The following ADK variants were observed in gnomAD, a reference collection of about 807,000 sequenced individuals.
ADK encodes the protein N6,N6-dimethyladenosine kinase.
In ADK, 24 loss-of-function variants were observed where a neutral mutation model predicts 44.7. The observed-to-expected ratio is 0.54, with a 90% CI of 0.39 to 0.76. The LOEUF is 0.76. Ranked by LOEUF, ADK falls within the 30% of genes least tolerant of loss-of-function variation. The pLI, the probability that ADK is intolerant of heterozygous loss-of-function variation, is 0.00. For synonymous variants in ADK, 128 were observed against 142.6 expected, an observed-to-expected ratio of 0.90 and a Z score of 0.73; for missense variants, 321 against 425.1, an observed-to-expected ratio of 0.76 and a Z score of 2.15.
intron 6 of ADK, among the ~76,000 whole-genome samples, chr10:74,501,129 A>G (rs1285722159): frequency 1.3e-5 from 2 of 152,226 alleles, no homozygotes; most frequent in Non-Finnish European, 2.9e-5. Context: ...AAACAATTAC[A>G]CAGAAAAAAA....
Position 74,242,360 on chromosome 10 carries a change from A to ATTTGTT in ADK, c.194+17770_194+17771insTTGTTT, listed in dbSNP as rs572702263. The stretch of plus-strand genomic sequence containing the variant: ...GTAATTTCCATAAGGGAATGGGCTT[A>ATTTGTT]TATCTTTGTTTATTTGTGTTTGTTT... On this transcript the variant is annotated intron_variant, in intron 3 of 10. Coordinates refer to ENST00000539909, the MANE Select transcript of ADK (RefSeq NM_006721.4). 1.6e-4 allele frequency among the ~76,000 whole-genome samples: 25 copies of ATTTGTT among 152,340 alleles called. No individual in the cohort carries two copies. The East Asian group carries it at 3.9e-3, about 23-fold the overall frequency.
intron 9 of ADK, among the ~76,000 whole-genome samples, chr10:74,605,573 C>T (rs1343667391): frequency 1.3e-5 from 2 of 152,148 alleles, no homozygotes; most frequent in Non-Finnish European, 2.9e-5. Flanking sequence ...TTGAACCAGC[C>T]TTGCATCCCA....
intron 4 of ADK, among the ~76,000 whole-genome samples, chr10:74,373,745 G>A (rs1842739322): frequency 6.6e-6 from 1 of 152,104 alleles, no homozygotes; most frequent in Non-Finnish European, 1.5e-5. Context: ...AAAGAGTCTT[G>A]CAATTCCTTA....
chr10:74,214,784 G>T (rs1738288255), intron 2 of ADK, among the ~76,000 whole-genome samples: 1 of 152,196 alleles, frequency 6.6e-6, no homozygotes, highest in African/African-American at 2.4e-5. Flanking sequence ...TTTTATAGGG[G>T]TAGAAGATTC....
chr10:74,510,217 C>T (rs1848252205), intron 6 of ADK, among the ~76,000 whole-genome samples: 1 of 152,148 alleles, frequency 6.6e-6, no homozygotes, highest in South Asian at 2.1e-4. Context: ...TTTCTCCATC[C>T]TCACCAACAT....
rs141259957 is a variant in ADK at position 74,223,673 on chromosome 10, C to T, written c.141-865C>T. Among the ~76,000 whole-genome samples, 332 of 152,068 alleles carry T rather than the reference C, an allele frequency of 2.2e-3. 2 individuals carry two copies. The highest frequency in any genetic ancestry group is 7.6e-3 in the African/African-American group (314 of 41,484). On this transcript the variant is annotated intron_variant, in intron 2 of 10. Coordinates refer to ENST00000539909, the MANE Select transcript of ADK (RefSeq NM_006721.4). ...CCTTCAGCAGTACAAATATATGGTACTGTGAAAGATCCCTGATCTAGTATT... is the reference window on the plus strand; with the variant it reads ...CCTTCAGCAGTACAAATATATGGTATTGTGAAAGATCCCTGATCTAGTATT...
intron 4 of ADK, among the ~76,000 whole-genome samples, chr10:74,356,105 C>T (rs11001010): frequency 7.0e-6 from 1 of 143,134 alleles, no homozygotes; most frequent in African/African-American, 2.6e-5. Flanking sequence ...TGCAAGCTCC[C>T]CTTCCCGGGT....
intron 3 of ADK, among the ~76,000 whole-genome samples, chr10:74,312,050 C>T (rs1840450110): frequency 6.6e-6 from 1 of 152,094 alleles, no homozygotes; most frequent in African/African-American, 2.4e-5. Context: ...CCTGTAGTCC[C>T]AGCTACTTGG....
At chr10:74,199,379 C>T (rs770218736) in intron 1 of ADK, among the ~76,000 whole-genome samples, 2 of 152,140 alleles carry the variant, frequency 1.3e-5, no homozygotes, top group Non-Finnish European at 2.9e-5. Context: ...GTCTTTTGTC[C>T]CGACATCTTT....
chr10:74,252,684 G>T (rs148740260), intron 3 of ADK, among the ~76,000 whole-genome samples: 31 of 152,286 alleles, frequency 2.0e-4, no homozygotes, highest in Non-Finnish European at 3.5e-4. Flanking sequence ...TAAGTGTTCA[G>T]ATTAGGTTAG....
At chr10:74,450,559 A>G (rs1389851296) in intron 6 of ADK, among the ~76,000 whole-genome samples, 2 of 152,224 alleles carry the variant, frequency 1.3e-5, no homozygotes, top group Non-Finnish European at 2.9e-5. Context: ...CACCTCTGAG[A>G]ATAATAAGAA....
rs1040565742 is a variant in ADK, at chr10:74,613,570, G to A, written c.877+13077G>A. Among the ~76,000 whole-genome samples the A allele has an allele frequency of 2.0e-5, 3 of 152,116 alleles. No homozygotes were observed. The East Asian group carries it at 5.8e-4, about 29-fold the overall frequency. ...TGTCATTTTATTTTAAGTAAATGGGGTTATTGACGTTACTTGTCTTCATGT... is the reference window on the plus strand; with the variant it reads ...TGTCATTTTATTTTAAGTAAATGGGATTATTGACGTTACTTGTCTTCATGT... On this transcript the variant is annotated intron_variant, in intron 9 of 10. Coordinates refer to ENST00000539909, the MANE Select transcript of ADK (RefSeq NM_006721.4).
At chr10:74,384,926 T>C (rs1843092503) in intron 4 of ADK, among the ~76,000 whole-genome samples, 1 of 152,140 alleles carries the variant, frequency 6.6e-6, no homozygotes, top group African/African-American at 2.4e-5. Context: ...TTGAAGGACA[T>C]TTTAGGAAGA....
chr10:74,324,471 A>G lies in ADK; in HGVS notation c.273+9726A>G, dbSNP rs141662129. ...CTCCTTCTATGAGATCAGCTTTGTT[A>G]TAGTTCACATATGAGTTGAGATTAT... is the stretch of plus-strand genomic sequence containing the variant. On this transcript the variant is annotated intron_variant, in intron 4 of 10. Coordinates refer to ENST00000539909, the MANE Select transcript of ADK (RefSeq NM_006721.4). 2.4e-3 allele frequency among the ~76,000 whole-genome samples: 367 copies of G among 152,328 alleles called. 2 individuals are homozygous for G. Among genetic ancestry groups the G allele is most frequent in the African/African-American group, 8.4e-3 (349 of 41,570 alleles).
chr10:74,227,349 T>C (rs1330805688), intron 3 of ADK, among the ~76,000 whole-genome samples: 1 of 152,164 alleles, frequency 6.6e-6, no homozygotes, highest in Non-Finnish European at 1.5e-5. Context: ...TCTTTGAAAA[T>C]TAACCCTAAT....
chr10:74,507,591 G>T (rs1165302592), intron 6 of ADK, among the ~76,000 whole-genome samples: 2 of 151,990 alleles, frequency 1.3e-5, no homozygotes, highest in East Asian at 1.9e-4. Flanking sequence ...CTCCAGCCTG[G>T]TGACAGTGAA....
At chr10:74,324,288 C>T (rs1356435418) in intron 4 of ADK, among the ~76,000 whole-genome samples, 1 of 152,132 alleles carries the variant, frequency 6.6e-6, no homozygotes, top group Non-Finnish European at 1.5e-5. Flanking sequence ...CCTCTGCCTC[C>T]CAAAGTGCTG....
chr10:74,494,258 A>G (rs1298690399), intron 6 of ADK, among the ~76,000 whole-genome samples: 1 of 152,098 alleles, frequency 6.6e-6, no homozygotes, highest in Non-Finnish European at 1.5e-5. Context: ...TCACCTATCC[A>G]GGTTAGATAT....
intron 7 of ADK, among the ~76,000 whole-genome samples, chr10:74,543,193 C>A (rs1457983051): frequency 6.6e-6 from 1 of 150,856 alleles, no homozygotes; most frequent in African/African-American, 2.5e-5. Context: ...AGCCACAGCG[C>A]CTGGCCTATT....
Sources: allele counts gnomAD v4.1 joint callset (sites outside exome capture counted in the v4.1 genomes callset), GRCh38; gene constraint gnomAD v4.1.1; transcripts MANE v1.5; gene names NCBI Gene and HGNC (gene_info 2026-07-23, HGNC 2026-07-21).